R3HDM2: variants seen among roughly 807,000 people sequenced by gnomAD.
R3HDM2 encodes the protein R3H domain containing 2, also known as R3H domain-containing protein 2.
In R3HDM2, 38 loss-of-function variants were observed where a neutral mutation model predicts 124.5. That is an observed-to-expected ratio of 0.31 (90% CI 0.24 to 0.40). The LOEUF is 0.40. R3HDM2 is among the 10% of genes least tolerant of loss of function. R3HDM2 has a pLI of 1.00. For missense variants in R3HDM2, 869 were observed against 1,236.9 expected (o/e 0.70, Z 4.46); for synonymous variants, 391 against 448.0 (o/e 0.87, Z 1.61).
chr12:57,274,880 T>C (rs891317882), intron 14 of R3HDM2, among the ~76,000 whole-genome samples: 1 of 152,006 alleles, frequency 6.6e-6, no homozygotes, highest in Non-Finnish European at 1.5e-5. Flanking sequence ...ATTGTAAAAA[T>C]GACCATACTG....
intron 2 of R3HDM2, among the ~76,000 whole-genome samples, chr12:57,383,469 G>A (rs924371594): frequency 3.9e-5 from 6 of 152,120 alleles, no homozygotes; most frequent in South Asian, 2.1e-4. Flanking sequence ...TTGGAAGGCC[G>A]AGGTGGGTGG....
chr12:57,284,117 G>A (rs931404791), intron 12 of R3HDM2, 61 bp from the exon 13 acceptor site: 2 of 1,378,652 alleles, frequency 1.5e-6, no homozygotes, highest in African/African-American at 2.9e-5. Context: ...AGGGCTAGGA[G>A]ATAATTCATT....
At chr12:57,256,100 A>C in intron 22 of R3HDM2, 26 bp from the exon 23 acceptor site, 18 of 1,594,698 alleles carry the variant, frequency 1.1e-5, no homozygotes, top group Non-Finnish European at 1.5e-5. Flanking sequence ...GACGACTCTC[A>C]TCCCATGTAA....
chr12:57,425,702 G>A (rs962283818), intron 1 of R3HDM2, among the ~76,000 whole-genome samples: 2 of 152,154 alleles, frequency 1.3e-5, no homozygotes, highest in African/African-American at 4.8e-5. Context: ...GGAGGTTGAG[G>A]CAGAAGAATC....
intron 2 of R3HDM2, among the ~76,000 whole-genome samples, chr12:57,380,802 C>A (rs1379226697): frequency 1.3e-5 from 2 of 152,126 alleles, no homozygotes; most frequent in African/African-American, 4.8e-5. Flanking sequence ...AAAGCTACAA[C>A]ATATCAAGAC....
chr12:57,407,823 T>C (rs1179850202), intron 1 of R3HDM2, among the ~76,000 whole-genome samples: 3 of 152,122 alleles, frequency 2.0e-5, no homozygotes, highest in Admixed American at 1.3e-4. Flanking sequence ...AGAGTGCAGT[T>C]GTAAAATCAC....
intron 1 of R3HDM2, 129 bp downstream of exon 1, chr12:57,430,591 C>T (rs1869631065): frequency 1.1e-5 from 11 of 985,000 alleles, no homozygotes; most frequent in Non-Finnish European, 1.3e-5. Flanking sequence ...CCCATCGTCC[C>T]CGGGACCGGC....
chr12:57,358,110 C>G (rs1404953575), intron 2 of R3HDM2, among the ~76,000 whole-genome samples: 1 of 151,434 alleles, frequency 6.6e-6, no homozygotes, highest in African/African-American at 2.4e-5. Context: ...TCCCAAGTAG[C>G]TGGGACTACA....
chr12:57,318,322 G>A (rs2055621379), intron 2 of R3HDM2, among the ~76,000 whole-genome samples: 1 of 151,906 alleles, frequency 6.6e-6, no homozygotes, highest in South Asian at 2.1e-4. Context: ...GAACTACCTG[G>A]ACCAGGCAGA....
At chr12:57,429,544 G>A (rs1479971201) in intron 1 of R3HDM2, among the ~76,000 whole-genome samples, 1 of 152,058 alleles carries the variant, frequency 6.6e-6, no homozygotes, top group Non-Finnish European at 1.5e-5. Context: ...GCAGCAAGGT[G>A]AAACCCGTCT....
At chr12:57,299,545 C>T in intron 5 of R3HDM2, 67 bp from the exon 6 acceptor site, 1 of 1,448,872 alleles carries the variant, frequency 6.9e-7, no homozygotes, top group Middle Eastern at 2.3e-4. Flanking sequence ...CCCTTGGAAT[C>T]TCAAAGAAGG....
chr12:57,269,899 T>C lies in R3HDM2; in HGVS notation c.1440A>G (p.Pro480=). 1.2e-6 allele frequency: 2 copies of C among 1,614,096 alleles called. No individual in the cohort carries two copies. Among genetic ancestry groups the C allele is most frequent in the Non-Finnish European group, 8.5e-7 (1 of 1,179,996 alleles). Residue 480 remains proline (P), a synonymous_variant, in exon 15 of 24, where the codon CCA becomes CCG. Transcript: ENST00000402412. The part of the protein sequence containing the change: ...ADPSAALFQT[P]LISQHPQQTS... ...TCTGCTGAGGGTGCTGGGAGATAAG[T>C]GGGGTCTGGAATAGAGCTGCAGATG...
At chr12:57,406,928 G>A (rs1037203209) in intron 1 of R3HDM2, among the ~76,000 whole-genome samples, 14 of 152,188 alleles carry the variant, frequency 9.2e-5, no homozygotes, top group Admixed American at 5.2e-4. Context: ...TATAAACTAC[G>A]AAGGAAAATA....
At chr12:57,423,602 G>A (rs577762374) in intron 1 of R3HDM2, among the ~76,000 whole-genome samples, 60 of 150,696 alleles carry the variant, frequency 4.0e-4, no homozygotes, top group Non-Finnish European at 7.5e-4. Context: ...GTCTGAGCCC[G>A]GGAGTTTGAG....
chr12:57,336,267 A>G (rs998188107), intron 2 of R3HDM2, among the ~76,000 whole-genome samples: 27 of 152,158 alleles, frequency 1.8e-4, no homozygotes, highest in African/African-American at 6.0e-4. Context: ...TAAAAGCAGA[A>G]CTACCATTCA....
At chr12:57,275,603 C>T (rs1043229545) in intron 14 of R3HDM2, among the ~76,000 whole-genome samples, 7 of 150,224 alleles carry the variant, frequency 4.7e-5, no homozygotes, top group Middle Eastern at 3.6e-3. Context: ...CCAGAATCTA[C>T]GACGAACTCA....
intron 2 of R3HDM2, among the ~76,000 whole-genome samples, chr12:57,352,620 G>A (rs1481004191): frequency 6.6e-6 from 1 of 151,662 alleles, no homozygotes; most frequent in African/African-American, 2.4e-5. Context: ...AGCCTCGTGA[G>A]TAGCTGGGAC....
At chr12:57,389,481 T>C (rs928579173) in intron 2 of R3HDM2, among the ~76,000 whole-genome samples, 1 of 152,232 alleles carries the variant, frequency 6.6e-6, no homozygotes, top group African/African-American at 2.4e-5. Flanking sequence ...AAATGTTTGA[T>C]AGCCTGTGGC....
At chr12:57,317,956 G>C (rs1372627813) in intron 2 of R3HDM2, among the ~76,000 whole-genome samples, 1 of 150,562 alleles carries the variant, frequency 6.6e-6, no homozygotes, top group African/African-American at 2.4e-5. Context: ...CTCCAGCCTG[G>C]GCAACAGAGC....
Sources: gnomAD v4.1 joint callset for allele counts (sites outside exome capture counted in the v4.1 genomes callset) on GRCh38, gnomAD v4.1.1 for gene constraint, MANE v1.5 for transcripts, NCBI Gene and HGNC (gene_info 2026-07-23, HGNC 2026-07-21) for gene names.